FGGY: variants seen among roughly 807,000 people sequenced by gnomAD.
The protein encoded by FGGY is FGGY carbohydrate kinase domain containing.
A neutral mutation model predicts 71.3 loss-of-function variants in FGGY; 72 were observed. The ratio of observed to expected loss-of-function variants is 1.01; its 90% CI spans 0.84 to 1.23. The LOEUF is 1.23. FGGY is among the 50% of genes most tolerant of loss of function. The pLI, the probability that FGGY is intolerant of heterozygous loss-of-function variation, is 0.00. For missense variants in FGGY, 668 were observed against 682.3 expected (o/e 0.98, Z 0.23); for synonymous variants, 251 against 250.3 (o/e 1.00, Z -0.02).
intron 14 of FGGY, among the ~76,000 whole-genome samples, chr1:59,707,320 C>T (rs1377641889): frequency 3.9e-5 from 6 of 152,108 alleles, no homozygotes; most frequent in Admixed American, 3.9e-4. Context: ...CAAGTCTGTC[C>T]AACTCTAAAT....
chr1:59,530,315 A>C (rs888363722), intron 7 of FGGY, among the ~76,000 whole-genome samples: 2 of 152,234 alleles, frequency 1.3e-5, no homozygotes, highest in African/African-American at 2.4e-5. Context: ...AATAATTAAT[A>C]GCTGACTATG....
intron 14 of FGGY, among the ~76,000 whole-genome samples, chr1:59,745,124 G>T (rs958041221): frequency 2.0e-5 from 3 of 152,122 alleles, no homozygotes; most frequent in Admixed American, 1.3e-4. Flanking sequence ...CGATGTCTTT[G>T]CTTGTCTTTT....
intron 8 of FGGY, among the ~76,000 whole-genome samples, chr1:59,558,834 T>TC (rs912611941): frequency 1.3e-5 from 2 of 151,806 alleles, no homozygotes; most frequent in Non-Finnish European, 2.9e-5. Flanking sequence ...TTTATAGACC[T>TC]CCCCCCAGGA....
At chr1:59,726,613 A>G (rs897399022) in intron 14 of FGGY, among the ~76,000 whole-genome samples, 2 of 152,180 alleles carry the variant, frequency 1.3e-5, no homozygotes, top group African/African-American at 4.8e-5. Context: ...TAGTGGATAC[A>G]GCTCTATTCA....
intron 8 of FGGY, among the ~76,000 whole-genome samples, chr1:59,591,704 A>G (rs1348478174): frequency 6.6e-6 from 1 of 152,192 alleles, no homozygotes; most frequent in Non-Finnish European, 1.5e-5. Context: ...TTCCCTATTT[A>G]ATAAATGGTG....
chr1:59,555,230 G>A (rs976682885), intron 8 of FGGY, among the ~76,000 whole-genome samples: 6 of 152,282 alleles, frequency 3.9e-5, no homozygotes, highest in Admixed American at 3.3e-4. Context: ...CCCCAATGTA[G>A]ATACAAATTG....
chr1:59,556,825 C>T (rs1305572238), intron 8 of FGGY, among the ~76,000 whole-genome samples: 1 of 152,140 alleles, frequency 6.6e-6, no homozygotes, highest in East Asian at 1.9e-4. Flanking sequence ...GTAAACGGCT[C>T]ACATGAAGCA....
chr1:59,321,474 T>C, intron 1 of FGGY, 62 bp from the exon 2 acceptor site: 1 of 1,459,116 alleles, frequency 6.9e-7, no homozygotes, highest in Non-Finnish European at 9.5e-7. Context: ...TTTGAGATGT[T>C]TTGTGACTGT....
At chr1:59,356,427 A>G (rs1414085207) in intron 4 of FGGY, among the ~76,000 whole-genome samples, 1 of 152,136 alleles carries the variant, frequency 6.6e-6, no homozygotes, top group Admixed American at 6.5e-5. Context: ...TTCAAAACCC[A>G]GCCTTCACTG....
intron 9 of FGGY, among the ~76,000 whole-genome samples, chr1:59,625,283 T>G (rs2096845249): frequency 6.6e-6 from 1 of 152,082 alleles, no homozygotes; most frequent in African/African-American, 2.4e-5. Flanking sequence ...ACATATTTCA[T>G]ACTATTTTGT....
At chr1:59,634,458 T>G (rs2096937261) in intron 10 of FGGY, among the ~76,000 whole-genome samples, 1 of 152,154 alleles carries the variant, frequency 6.6e-6, no homozygotes, top group Non-Finnish European at 1.5e-5. Context: ...TATGGAAGCT[T>G]CTTTTCTAAG....
At chr1:59,724,758 T>C (rs2100745476) in intron 14 of FGGY, among the ~76,000 whole-genome samples, 1 of 152,360 alleles carries the variant, frequency 6.6e-6, no homozygotes, top group South Asian at 2.1e-4. Context: ...ATATATATTA[T>C]GTGCCATCTA....
chr1:59,625,948 A>C (rs1464151916), intron 9 of FGGY, 40 bp from the exon 10 acceptor site: 1 of 1,501,490 alleles, frequency 6.7e-7, no homozygotes, highest in South Asian at 1.3e-5. Context: ...TACATAAATT[A>C]AAGAAGCTAT....
intron 9 of FGGY, among the ~76,000 whole-genome samples, chr1:59,614,754 C>T (rs943824661): frequency 2.0e-5 from 3 of 152,122 alleles, no homozygotes; most frequent in African/African-American, 7.2e-5. Flanking sequence ...AAAACCCCAT[C>T]ATCTCAGCCC....
At chr1:59,563,224 G>C (rs1246220168) in intron 8 of FGGY, among the ~76,000 whole-genome samples, 4 of 152,188 alleles carry the variant, frequency 2.6e-5, no homozygotes, top group African/African-American at 9.7e-5. Context: ...TATGATATTG[G>C]CTGCGGGTTT....
chr1:59,660,154 A>G (rs1018562218), intron 11 of FGGY, 65 bp from the exon 12 acceptor site: 1 of 1,392,432 alleles, frequency 7.2e-7, no homozygotes, highest in Admixed American at 1.7e-5. Flanking sequence ...ATTTCATGGG[A>G]ACTATCTTTA....
At chr1:59,345,803 C>A (rs2051752804) in intron 3 of FGGY, among the ~76,000 whole-genome samples, 1 of 151,778 alleles carries the variant, frequency 6.6e-6, no homozygotes, top group Admixed American at 6.6e-5. Context: ...CATTGTTTAG[C>A]TATTAGATGT....
chr1:59,429,831 G>T (rs2067023959), intron 5 of FGGY, among the ~76,000 whole-genome samples: 1 of 152,250 alleles, frequency 6.6e-6, no homozygotes, highest in Admixed American at 6.5e-5. Context: ...GAGATCTGGA[G>T]TAATAAGTGA....
chr1:59,321,887 G>C (rs2046456539), intron 2 of FGGY, 137 bp downstream of exon 2: 4 of 768,868 alleles, frequency 5.2e-6, no homozygotes, highest in Admixed American at 2.4e-5. Context: ...CCCTTCAGGA[G>C]CTCACAGTCT....
Sources: gnomAD v4.1 joint callset for allele counts (sites outside exome capture counted in the v4.1 genomes callset) on GRCh38, gnomAD v4.1.1 for gene constraint, MANE v1.5 for transcripts, NCBI Gene and HGNC (gene_info 2026-07-23, HGNC 2026-07-21) for gene names.